The following AMZ1 variants were observed in gnomAD, a reference collection of about 807,000 sequenced individuals.
AMZ1 encodes archaemetzincin-1.
A neutral mutation model predicts 29.9 loss-of-function variants in AMZ1; 39 were observed. The ratio of observed to expected loss-of-function variants is 1.30; its 90% CI spans 1.01 to 1.70. The LOEUF is 1.70. AMZ1 is among the 40% of genes most tolerant of loss of function. AMZ1 has a pLI of 0.00. For synonymous variants in AMZ1, 458 were observed against 304.0 expected, an observed-to-expected ratio of 1.51 and a Z score of -5.27; for missense variants, 1,041 against 680.6, an observed-to-expected ratio of 1.53 and a Z score of -5.89.
chr7:2,722,688 C>T (rs912738852), downstream of AMZ1, among the ~76,000 whole-genome samples: 3 of 152,212 alleles, frequency 2.0e-5, no homozygotes, highest in Non-Finnish European at 1.5e-5. Flanking sequence ...GTTAAGAACC[C>T]AGACTGGGTG....
chr7:2,682,697 C>T (rs1786927657), intron 1 of AMZ1, among the ~76,000 whole-genome samples: 1 of 152,162 alleles, frequency 6.6e-6, no homozygotes, highest in South Asian at 2.1e-4. Flanking sequence ...ATACACGGCT[C>T]CCCTGCTTGT....
At chr7:2,681,896 G>C (rs900753700) in intron 1 of AMZ1, among the ~76,000 whole-genome samples, 1 of 151,576 alleles carries the variant, frequency 6.6e-6, no homozygotes, top group Non-Finnish European at 1.5e-5. Context: ...GACAGACAGA[G>C]AGATGGACAG....
At chr7:2,710,548 C>A (rs941859244) in intron 6 of AMZ1, among the ~76,000 whole-genome samples, 1 of 152,166 alleles carries the variant, frequency 6.6e-6, no homozygotes, top group Non-Finnish European at 1.5e-5. Flanking sequence ...GTCAGAATCC[C>A]CTGCAGGGCC....
At chr7:2,743,366 A>C (rs1427229330) in intron 4 of AMZ1, among the ~76,000 whole-genome samples, 4 of 152,336 alleles carry the variant, frequency 2.6e-5, no homozygotes, top group Non-Finnish European at 5.9e-5. Context: ...CCCAAGATAT[A>C]ATTAAATTAT....
At chr7:2,763,936 T>C (rs1791694196), upstream of AMZ1, among the ~76,000 whole-genome samples, 1 of 152,190 alleles carries the variant, frequency 6.6e-6, no homozygotes, top group Admixed American at 6.5e-5. Flanking sequence ...GTGAATCCAA[T>C]TATGCACCCT....
At chr7:2,710,569 C>T (rs1788709640) in intron 6 of AMZ1, among the ~76,000 whole-genome samples, 2 of 152,198 alleles carry the variant, frequency 1.3e-5, no homozygotes, top group African/African-American at 4.8e-5. Context: ...TAGCTGGGCC[C>T]TCCTTCCTTC....
chr7:2,696,480 A>C (rs1478663257), intron 1 of AMZ1, among the ~76,000 whole-genome samples: 1 of 149,226 alleles, frequency 6.7e-6, no homozygotes, highest in Non-Finnish European at 1.5e-5. Flanking sequence ...GATGGTCTCG[A>C]TCTCCTGACC....
intron 1 of AMZ1, among the ~76,000 whole-genome samples, chr7:2,697,121 G>A (rs1583153829): frequency 6.6e-6 from 1 of 152,222 alleles, no homozygotes; most frequent in South Asian, 2.1e-4. Flanking sequence ...TTTTATTTTT[G>A]AGACAGAGCC....
intron 4 of AMZ1, chr7:2,733,410 A>G (rs1583205556): frequency 1.3e-6 from 2 of 1,587,616 alleles, no homozygotes; most frequent in Non-Finnish European, 1.7e-6. Flanking sequence ...ACGTTTTCTA[A>G]CCCTGGAGCC....
chr7:2,692,558 A>G (rs1343847023), intron 1 of AMZ1, among the ~76,000 whole-genome samples: 1 of 152,148 alleles, frequency 6.6e-6, no homozygotes, highest in Non-Finnish European at 1.5e-5. Flanking sequence ...TAAAAAATAA[A>G]TAAAGAGGAC....
chr7:2,721,580 G>A (rs1344263760), downstream of AMZ1, among the ~76,000 whole-genome samples: 1 of 152,162 alleles, frequency 6.6e-6, no homozygotes, highest in East Asian at 1.9e-4. Flanking sequence ...GCCAGGTGTG[G>A]TGTCAGATGC....
chr7:2,764,213 C>T (rs1401531456), upstream of AMZ1, among the ~76,000 whole-genome samples: 5 of 150,838 alleles, frequency 3.3e-5, no homozygotes, highest in South Asian at 4.2e-4. Context: ...GCTGGGACCA[C>T]GGGCACGTGC....
intron 3 of AMZ1, among the ~76,000 whole-genome samples, chr7:2,705,695 GTGGGGTGCCA>G (rs1788312868): frequency 6.6e-6 from 1 of 152,206 alleles, no homozygotes; most frequent in Non-Finnish European, 1.5e-5. Context: ...CCTGGCTGGG[GTGGGGTGCCA>G]TCCCCTGGGT....
chr7:2,719,840 G>A (rs1275454420), downstream of AMZ1, among the ~76,000 whole-genome samples: 1 of 151,940 alleles, frequency 6.6e-6, no homozygotes, highest in Non-Finnish European at 1.5e-5. Flanking sequence ...GCCACACCAT[G>A]CCCGGCTAAT....
At chr7:2,740,501 C>T (rs1041376406) in intron 4 of AMZ1, among the ~76,000 whole-genome samples, 1 of 152,296 alleles carries the variant, frequency 6.6e-6, no homozygotes, top group Admixed American at 6.5e-5. Flanking sequence ...TCCTCAATTT[C>T]CAATCTCCAG....
rs1194978998 is a variant in AMZ1, at chr7:2,714,370, T to A, written c.*1492T>A. ...GAATCTGACATTGGTGGAGGCCGAC[T>A]GAAGGCTCCCGGTCCTGGTCCCACT... On this transcript the variant is annotated 3_prime_UTR_variant, in exon 7 of 7. Transcript: ENST00000683327. 2.6e-5 allele frequency: 4 copies of A among 152,416 alleles called. No individual in the cohort carries two copies. The highest frequency in any genetic ancestry group is 2.0e-4 in the Admixed American group (3 of 15,284). 9.4% of individuals were successfully genotyped at this position (152,416 alleles called of 1,614,324 possible).
chr7:2,763,191 A>AACACACGCACACACACACACACACACAC (rs1791653920), upstream of AMZ1: 1 of 216,890 alleles, frequency 4.6e-6, no homozygotes, highest in African/African-American at 2.7e-5. Flanking sequence ...AAGACACCCC[A>AACACACGCACACACACACACACACACAC]ACACACACAC....
chr7:2,736,095 G>A (rs1790160305), intron 4 of AMZ1, among the ~76,000 whole-genome samples: 1 of 152,280 alleles, frequency 6.6e-6, no homozygotes, highest in African/African-American at 2.4e-5. Context: ...CTCATTAAAA[G>A]GGCCAGGTTT....
chr7:2,691,821 C>T (rs1309387603), intron 1 of AMZ1, among the ~76,000 whole-genome samples: 1 of 151,878 alleles, frequency 6.6e-6, no homozygotes, highest in African/African-American at 2.4e-5. Context: ...TCCAGGGTGC[C>T]CGCAGGTATT....
Sources: gnomAD v4.1 joint callset for allele counts (sites outside exome capture counted in the v4.1 genomes callset) on GRCh38, gnomAD v4.1.1 for gene constraint, MANE v1.5 for transcripts, NCBI Gene and HGNC (gene_info 2026-07-23, HGNC 2026-07-21) for gene names.